The following ERC1 variants were observed in gnomAD, a reference collection of about 807,000 sequenced individuals.
The protein encoded by ERC1 is RAB6 interacting protein 2.
A neutral mutation model predicts 132.0 loss-of-function variants in ERC1; 56 were observed. The ratio of observed to expected loss-of-function variants is 0.42; its 90% confidence interval spans 0.34 to 0.53. The LOEUF is 0.53. Ranked by LOEUF, ERC1 falls within the 20% of genes least tolerant of loss-of-function variation. ERC1 has a pLI of 0.03. For synonymous variants in ERC1, 478 were observed against 476.1 expected, an observed-to-expected ratio of 1.00 and a Z score of -0.05; for missense variants, 1,202 against 1,349.9, an observed-to-expected ratio of 0.89 and a Z score of 1.72.
intron 15 of ERC1, among the ~76,000 whole-genome samples, chr12:1,366,224 A>C (rs969000720): frequency 1.3e-5 from 2 of 152,234 alleles, no homozygotes; most frequent in African/African-American, 2.4e-5. Flanking sequence ...ACTAAAAAAA[A>C]CCTAAAAGAT....
In ERC1 at chr12:1,373,548, A is replaced by G. The variant is rs556414894; in HGVS notation, c.2925+1571A>G. Among the ~76,000 whole-genome samples the G allele has an allele frequency of 1.6e-4, 24 of 152,330 alleles. No homozygotes were observed. In the South Asian group the frequency reaches 3.3e-3, roughly 21 times the overall value. Reference sequence around the variant, plus strand: ...TGTAATCCCAGCACTTTGGGAGGCCAAGGCGGGTGGATCATGAGGTCAGGA... The same window carrying G: ...TGTAATCCCAGCACTTTGGGAGGCCGAGGCGGGTGGATCATGAGGTCAGGA... On this transcript the variant is annotated intron_variant, in intron 16 of 18. Transcript: ENST00000360905.
chr12:1,268,721 G>A (rs1304158278), intron 14 of ERC1, among the ~76,000 whole-genome samples: 1 of 152,142 alleles, frequency 6.6e-6, no homozygotes, highest in Non-Finnish European at 1.5e-5. Flanking sequence ...AGCTGAGATC[G>A]TGCCACTGCA....
intron 2 of ERC1, among the ~76,000 whole-genome samples, chr12:1,033,236 C>T (rs539513156): frequency 6.6e-6 from 1 of 152,128 alleles, no homozygotes; most frequent in South Asian, 2.1e-4. Context: ...TGGAGTTTCA[C>T]TGTGTTAGCC....
chr12:1,109,402 G>A (rs1407311935), intron 4 of ERC1, among the ~76,000 whole-genome samples: 2 of 152,066 alleles, frequency 1.3e-5, no homozygotes, highest in African/African-American at 2.4e-5. Flanking sequence ...TTTTATTATT[G>A]CACATATAGC....
Position 1,438,954 on chromosome 12 carries a change from A to AAT in ERC1, c.3025-5592_3025-5591dup, listed in dbSNP as rs1555093207. ...GAGACCTTGTCTCAATTTAAAAAAA[A>AAT]ATATATATATATATATAAAAAATGA... On this transcript the variant is annotated intron_variant, in intron 17 of 18. Transcript: ENST00000360905. Among the ~76,000 whole-genome samples the AAT allele has an allele frequency of 5.0e-3, 721 of 143,568 alleles. 2 individuals carry two copies. The highest frequency in any genetic ancestry group is 0.016 in the East Asian group (80 of 5,094). 94.2% of individuals were successfully genotyped at this position (143,568 alleles called of 152,430 possible).
chr12:1,286,856 A>G (rs933700381), intron 14 of ERC1, among the ~76,000 whole-genome samples: 1 of 152,214 alleles, frequency 6.6e-6, no homozygotes, highest in African/African-American at 2.4e-5. Flanking sequence ...AATGAGAAAA[A>G]TTATTAAACT....
intron 12 of ERC1, among the ~76,000 whole-genome samples, chr12:1,202,503 A>C (rs1164722449): frequency 6.6e-6 from 1 of 152,062 alleles, no homozygotes; most frequent in Non-Finnish European, 1.5e-5. Context: ...CAAAAAATAC[A>C]AATATTAGCC....
intron 7 of ERC1, among the ~76,000 whole-genome samples, chr12:1,128,640 C>T (rs1214988068): frequency 6.6e-6 from 1 of 152,068 alleles, no homozygotes; most frequent in African/African-American, 2.4e-5. Flanking sequence ...AGAATAATAG[C>T]CTTACCCCAT....
At chr12:1,030,426 T>C (rs1446741537) in intron 2 of ERC1, among the ~76,000 whole-genome samples, 3 of 152,148 alleles carry the variant, frequency 2.0e-5, no homozygotes, top group Non-Finnish European at 4.4e-5. Flanking sequence ...TCCCATAAGA[T>C]TACAATATAG....
chr12:1,073,219 T>C (rs1439032374), intron 2 of ERC1, among the ~76,000 whole-genome samples: 1 of 151,930 alleles, frequency 6.6e-6, no homozygotes, highest in Non-Finnish European at 1.5e-5. Flanking sequence ...GAGAATGGCT[T>C]GAACCCAGAA....
chr12:1,028,431 G>T lies in ERC1; in HGVS notation c.528G>T (p.Glu176Asp), dbSNP rs1211799424. The T allele has an allele frequency of 6.2e-7, 1 of 1,614,174 alleles. No homozygotes were observed. Among genetic ancestry groups the T allele is most frequent in the South Asian group, 1.1e-5 (1 of 91,074 alleles). ...TGCGGAAGGATGTGGAAGTAAAGGA[G>T]AGCAAATTGAGTTCTTCAATGAATA... Reference protein sequence around the residue: ...DLLRKDVEVKESKLSSSMNSI... With the variant: ...DLLRKDVEVKDSKLSSSMNSI... Residue 176 changes from glutamate (E) to aspartate (D), a missense_variant, in exon 2 of 19, where the codon GAG becomes GAT. Glu to Asp is a conservative substitution (Grantham distance 45). Transcript: ENST00000360905.
chr12:1,484,071 T>TCCAAAG (rs1208349351), intron 18 of ERC1, among the ~76,000 whole-genome samples: 21 of 151,010 alleles, frequency 1.4e-4, no homozygotes, highest in Admixed American at 5.9e-4. Flanking sequence ...TTTGGGAGGC[T>TCCAAAG]GAGGCGGGCG....
intron 12 of ERC1, among the ~76,000 whole-genome samples, chr12:1,210,190 A>G (rs907893826): frequency 3.3e-5 from 5 of 152,236 alleles, no homozygotes; most frequent in Non-Finnish European, 5.9e-5. Context: ...TTTCACAGAA[A>G]CCTTCCTTCC....
intron 18 of ERC1, among the ~76,000 whole-genome samples, chr12:1,484,246 A>G (rs1244756136): frequency 2.6e-5 from 4 of 151,720 alleles, no homozygotes; most frequent in Admixed American, 6.6e-5. Context: ...TGGAGCTTGC[A>G]GTGAGCCGAG....
chr12:1,201,251 G>T (rs1956890406), intron 12 of ERC1, among the ~76,000 whole-genome samples: 1 of 152,078 alleles, frequency 6.6e-6, no homozygotes, highest in South Asian at 2.1e-4. Context: ...AAATGGCATG[G>T]TATAATCTAA....
chr12:1,227,276 A>G (rs531641789), intron 12 of ERC1, among the ~76,000 whole-genome samples: 1 of 152,272 alleles, frequency 6.6e-6, no homozygotes, highest in East Asian at 1.9e-4. Flanking sequence ...TTTTCTCCAC[A>G]TCCTTGCCAA....
intron 17 of ERC1, among the ~76,000 whole-genome samples, chr12:1,427,178 G>A (rs2092667153): frequency 6.6e-6 from 1 of 152,134 alleles, no homozygotes; most frequent in Non-Finnish European, 1.5e-5. Flanking sequence ...CAAGAAAGGA[G>A]TAGGTCTCAC....
chr12:1,277,090 A>C (rs1302843273), intron 14 of ERC1, among the ~76,000 whole-genome samples: 1 of 152,202 alleles, frequency 6.6e-6, no homozygotes, highest in Non-Finnish European at 1.5e-5. Flanking sequence ...AGAAATCATT[A>C]TTATCCCTGA....
In ERC1 at chr12:1,039,452, C is replaced by T. The variant is rs147068483; in HGVS notation, c.669+10880C>T. On this transcript the variant is annotated intron_variant, in intron 2 of 18. Transcript: ENST00000360905. ...GGCTAGGGCAGGAGGATAGTTTGAC[C>T]GCAGGAGGTGGAAGCTGCAGTGAGC... Among the ~76,000 whole-genome samples the T allele has an allele frequency of 5.0e-3, 756 of 151,692 alleles. 10 individuals are homozygous for T. Among genetic ancestry groups the T allele is most frequent in the African/African-American group, 0.018 (729 of 41,432 alleles).
Sources: gnomAD v4.1 joint callset for allele counts (sites outside exome capture counted in the v4.1 genomes callset) on GRCh38, gnomAD v4.1.1 for gene constraint, MANE v1.5 for transcripts, NCBI Gene and HGNC (gene_info 2026-07-23, HGNC 2026-07-21) for gene names.